The following TTC6 variants were observed in gnomAD, a reference collection of about 807,000 sequenced individuals.
TTC6 encodes tetratricopeptide repeat domain 6.
Under a neutral mutation model 210.4 loss-of-function variants are expected in TTC6, and 172 were observed. The ratio of observed to expected loss-of-function variants is 0.82; its 90% confidence interval spans 0.72 to 0.93. The LOEUF (loss-of-function observed/expected upper bound fraction) is 0.93. Ranked by LOEUF, TTC6 falls within the 40% of genes least tolerant of loss-of-function variation. TTC6 has a pLI of 0.00. For missense variants in TTC6, 2,414 were observed against 2,318.1 expected (o/e 1.04, Z -0.85); for synonymous variants, 804 against 819.6 (o/e 0.98, Z 0.32).
chr14:37,749,844 G>A lies in TTC6; in HGVS notation c.2956+1G>A. On this transcript the variant is annotated splice_donor_variant, in intron 12 of 30. Transcript: ENST00000553443. LOFTEE classifies it high-confidence loss of function. ...CATAAATATAATAAAAATAATACAGGTGGGTTGTCTGTAGAGACAGTTATA... is the reference window on the plus strand; with the variant it reads ...CATAAATATAATAAAAATAATACAGATGGGTTGTCTGTAGAGACAGTTATA... 1 of 1,373,822 alleles carries A rather than the reference G, an allele frequency of 7.3e-7. No individual in the cohort carries two copies. The highest frequency in any genetic ancestry group is 1.5e-5 in the African/African-American group (1 of 67,044). 85.1% of individuals were successfully genotyped at this position (1,373,822 alleles called of 1,614,324 possible). A position where few individuals can be genotyped will look rare whatever the true frequency, so the allele number is the denominator to read the frequency against.
chr14:37,836,946 C>T (rs2096199238), intron 29 of TTC6, among the ~76,000 whole-genome samples: 1 of 152,112 alleles, frequency 6.6e-6, no homozygotes, highest in East Asian at 1.9e-4. Flanking sequence ...GTTGGATGTG[C>T]TACTTGCATA....
intron 24 of TTC6, among the ~76,000 whole-genome samples, chr14:37,811,701 A>G (rs1166320026): frequency 6.6e-6 from 1 of 152,224 alleles, no homozygotes; most frequent in Non-Finnish European, 1.5e-5. Flanking sequence ...GTCTGAGTTG[A>G]TTCTCAGATT....
At chr14:37,708,117 T>G (rs762984503) in intron 5 of TTC6, among the ~76,000 whole-genome samples, 6 of 152,084 alleles carry the variant, frequency 3.9e-5, no homozygotes, top group Non-Finnish European at 8.8e-5. Flanking sequence ...ATACATTTTA[T>G]GAAAATGACA....
rs537949529 is a variant in TTC6 at position 37,727,629 on chromosome 14, C to T, written c.1818+2627C>T. Among the ~76,000 whole-genome samples, 32 of 150,888 alleles carry T rather than the reference C, an allele frequency of 2.1e-4. No individual in the cohort carries two copies. In the South Asian group the frequency reaches 5.8e-3, roughly 28 times the overall value. The stretch of plus-strand genomic sequence containing the variant: ...TTGCTGAAAACTTAATTAATTTCTT[C>T]ATGTTTCTTCTTTTTTTAAAAATAA... On this transcript the variant is annotated intron_variant, in intron 7 of 30. Transcript: ENST00000553443.
chr14:37,801,291 T>C (rs561883537), intron 20 of TTC6, among the ~76,000 whole-genome samples: 18 of 152,246 alleles, frequency 1.2e-4, no homozygotes, highest in African/African-American at 3.9e-4. Context: ...AATGATGAAA[T>C]TTTAGATGTT....
At chr14:37,823,704 C>T in intron 26 of TTC6, 43 bp from the exon 29 acceptor site, 1 of 1,526,000 alleles carries the variant, frequency 6.6e-7, no homozygotes, top group South Asian at 1.1e-5. Flanking sequence ...CACCAGAATG[C>T]ATCAGTTCAC....
intron 14 of TTC6, 144 bp downstream of exon 16, chr14:37,753,379 T>G: frequency 1.4e-6 from 1 of 698,034 alleles, no homozygotes; most frequent in Non-Finnish European, 2.3e-6. Context: ...TGAAAAATCC[T>G]TGCTTACACC....
chr14:37,743,939 C>A (rs2095928439), intron 10 of TTC6, among the ~76,000 whole-genome samples: 1 of 152,088 alleles, frequency 6.6e-6, no homozygotes, highest in African/African-American at 2.4e-5. Context: ...AACTGAACTC[C>A]CAGGGAAGAG....
chr14:37,665,146 G>T (rs2095745304), intron 1 of TTC6, among the ~76,000 whole-genome samples: 2 of 150,252 alleles, frequency 1.3e-5, no homozygotes, highest in African/African-American at 4.8e-5. Context: ...TCCCATTACG[G>T]GGTATATACC....
intron 16 of TTC6, among the ~76,000 whole-genome samples, chr14:37,791,780 G>C (rs557281257): frequency 3.9e-5 from 6 of 152,254 alleles, no homozygotes; most frequent in African/African-American, 1.4e-4. Flanking sequence ...CTGAAAATCA[G>C]TTGATTTTAA....
chr14:37,680,896 C>A (rs2095782048), intron 2 of TTC6, among the ~76,000 whole-genome samples: 1 of 152,084 alleles, frequency 6.6e-6, no homozygotes, highest in African/African-American at 2.4e-5. Context: ...AATATGACCC[C>A]CACATACATA....
At chr14:37,798,568 T>A (rs1349258000) in intron 20 of TTC6, among the ~76,000 whole-genome samples, 1 of 151,962 alleles carries the variant, frequency 6.6e-6, no homozygotes, top group Admixed American at 6.6e-5. Context: ...AGTTTTATTT[T>A]TTTCTTTCTT....
chr14:37,831,412 C>A (rs2096184792), intron 29 of TTC6, among the ~76,000 whole-genome samples: 1 of 152,056 alleles, frequency 6.6e-6, no homozygotes, highest in African/African-American at 2.4e-5. Context: ...CTTCAATATA[C>A]TGATTTCCTT....
intron 28 of TTC6, among the ~76,000 whole-genome samples, chr14:37,826,861 A>G (rs2096172999): frequency 6.6e-6 from 1 of 152,142 alleles, no homozygotes; most frequent in African/African-American, 2.4e-5. Context: ...GCTACTACAT[A>G]GGACAAATAA....
intron 18 of TTC6, 111 bp from the exon 21 acceptor site, chr14:37,796,183 A>G (rs1042493526): frequency 2.1e-6 from 1 of 477,234 alleles, no homozygotes; most frequent in Non-Finnish European, 3.8e-6. Flanking sequence ...TGCATACATA[A>G]GTAAATAAGA....
intron 1 of TTC6, among the ~76,000 whole-genome samples, chr14:37,675,483 C>A (rs544778009): frequency 6.6e-6 from 1 of 152,220 alleles, no homozygotes; most frequent in African/African-American, 2.4e-5. Context: ...CATGAATGGA[C>A]ATTTGGCTTG....
At chr14:37,633,931 G>A (rs2139354341) in intron 1 of TTC6, among the ~76,000 whole-genome samples, 1 of 152,282 alleles carries the variant, frequency 6.6e-6, no homozygotes, top group East Asian at 1.9e-4. Flanking sequence ...CCTCCAGTTG[G>A]TAGTAACAGG....
chr14:37,613,843 G>T (rs140703679), intron 2 of TTC6, among the ~76,000 whole-genome samples: 2 of 151,814 alleles, frequency 1.3e-5, no homozygotes, highest in Admixed American at 6.6e-5. Context: ...GGTGATTTTC[G>T]TTCTCTTAAA....
intron 2 of TTC6, 29 bp downstream of exon 4, chr14:37,680,290 C>G: frequency 7.2e-7 from 1 of 1,386,414 alleles, no homozygotes; most frequent in Non-Finnish European, 9.7e-7. Flanking sequence ...ATCCTCCTTG[C>G]CTCTGTTAAA....
Sources: allele counts gnomAD v4.1 joint callset (sites outside exome capture counted in the v4.1 genomes callset), GRCh38; gene constraint gnomAD v4.1.1; transcripts MANE v1.5; gene names NCBI Gene and HGNC (gene_info 2026-07-23, HGNC 2026-07-21).